HCN4: variants seen among roughly 807,000 people sequenced by gnomAD.
HCN4 encodes hyperpolarization activated cyclic nucleotide gated potassium channel 4.
In HCN4, 29 loss-of-function variants were observed where a neutral mutation model predicts 76.9. The observed-to-expected ratio is 0.38, with a 90% confidence interval of 0.28 to 0.51. The LOEUF (loss-of-function observed/expected upper bound fraction) is 0.51. Ranked by LOEUF, HCN4 falls within the 20% of genes least tolerant of loss-of-function variation. HCN4 has a pLI of 0.90. For missense variants in HCN4, 1,416 were observed against 1,715.2 expected, an observed-to-expected ratio of 0.83 and a Z score of 3.08; for synonymous variants, 772 against 762.5, an observed-to-expected ratio of 1.01 and a Z score of -0.21.
At chr15:73,350,391 A>G (rs1295150964) in intron 1 of HCN4, among the ~76,000 whole-genome samples, 1 of 152,138 alleles carries the variant, frequency 6.6e-6, no homozygotes, top group Non-Finnish European at 1.5e-5. Flanking sequence ...GTCCTACTAA[A>G]TATCCAAGTT....
chr15:73,325,683 TG>T lies in HCN4; in HGVS notation c.1591-240del, dbSNP rs2151215756. 6.6e-6 allele frequency among the ~76,000 whole-genome samples: 1 copy of T among 152,296 alleles called. No individual in the cohort carries two copies. Among genetic ancestry groups the T allele is most frequent in the African/African-American group, 2.4e-5 (1 of 41,558 alleles). Reference sequence around the variant, plus strand: ...GCCCCCACCAGCATCTGCTCCTCGCTGTGTTCAATACTAAGGAGGTGGGTGA... The same window carrying T: ...GCCCCCACCAGCATCTGCTCCTCGCTTGTTCAATACTAAGGAGGTGGGTGA... On this transcript the variant is annotated intron_variant, in intron 4 of 7. Coordinates refer to ENST00000261917, the MANE Select transcript of HCN4 (RefSeq NM_005477.3). This position sits in a 1 kb window ranked among gnomAD's most constrained non-coding sequence, Gnocchi z 7.4.
chr15:73,343,298 G>T lies in HCN4; in HGVS notation c.1209+87C>A. 3 of 1,327,576 alleles carry T rather than the reference G, an allele frequency of 2.3e-6. No individual in the cohort carries two copies. Among genetic ancestry groups the T allele is most frequent in the Non-Finnish European group, 2.1e-6 (2 of 937,546 alleles). 82.2% of individuals were successfully genotyped at this position (1,327,576 alleles called of 1,614,324 possible). A position where few individuals can be genotyped will look rare whatever the true frequency, so the allele number is the denominator to read the frequency against. ...TGCCTGCCACAATCTGACAGCCTAT[G>T]TTCAATTATCTGAGGTTCCCTGCCA... is the stretch of plus-strand genomic sequence containing the variant. On this transcript the variant is annotated intron_variant, in intron 2 of 7. Transcript: ENST00000261917. The surrounding 1 kb of genome is among the most constrained non-coding windows in gnomAD (Gnocchi z 5.7).
rs373411041 is a variant in HCN4 at position 73,323,354 on chromosome 15, C to T, written c.2739G>A (p.Ala913=). The T allele has an allele frequency of 6.1e-4, 955 of 1,573,200 alleles. No individual in the cohort carries two copies. Among genetic ancestry groups the T allele is most frequent in the Middle Eastern group, 8.5e-4 (5 of 5,906 alleles). ...TIAGFGHFHK[A]LGGSLSSSDS... ...CGGAGGAGGACAGGGAGCCACCCAG[C>T]GCCTTGTGGAAGTGGCCAAACCCGG... is the stretch of plus-strand genomic sequence containing the variant. Residue 913 remains alanine, a synonymous_variant, in exon 8 of 8, where the codon GCG becomes GCA. Coordinates refer to ENST00000261917, the MANE Select transcript of HCN4 (RefSeq NM_005477.3).
At chr15:73,341,450 C>T (rs927370491) in intron 2 of HCN4, among the ~76,000 whole-genome samples, 4 of 152,114 alleles carry the variant, frequency 2.6e-5, no homozygotes, top group Non-Finnish European at 4.4e-5. Context: ...CCAGGAGGGA[C>T]ACATATTAAA....
At position 73,367,855 on chromosome 15, in the gene HCN4, G is replaced by T; in HGVS notation, c.416C>A (p.Pro139His). The T allele has an allele frequency of 7.7e-7, 1 of 1,306,972 alleles. No homozygotes were observed. Among genetic ancestry groups the T allele is most frequent in the East Asian group, 3.3e-5 (1 of 30,756 alleles). 81.0% of individuals were successfully genotyped at this position (1,306,972 alleles called of 1,614,324 possible). A position where few individuals can be genotyped will look rare whatever the true frequency, so the allele number is the denominator to read the frequency against. ...GCCTGGGGGCGTCCTGTCCTCGCCG[G>T]GGGACGCGTCGCCCTCGGCGATGAG... ...RRLIAEGDASPGEDRTPPGLA... is the reference protein window; with the variant it reads ...RRLIAEGDASHGEDRTPPGLA... Residue 139 changes from proline (P) to histidine (H), a missense_variant, in exon 1 of 8, where the codon CCC (proline) becomes CAC (histidine). Pro to His is a moderately conservative substitution (Grantham distance 77). Around this residue, in one of 6 missense-constraint regions of HCN4, gnomAD observed 355 missense variants for 347.8 expected, o/e 1.02. Transcript: ENST00000261917. This position sits in a 1 kb window ranked among gnomAD's most constrained non-coding sequence, Gnocchi z 7.5.
At position 73,322,941 on chromosome 15, in the gene HCN4, G is replaced by T; in HGVS notation, c.3152C>A (p.Ser1051Tyr). ...APPRASGSHGSLLLPPASSPP... is the reference protein window; with the variant it reads ...APPRASGSHGYLLLPPASSPP... Reference sequence around the variant, plus strand: ...GCTGGATGCAGGTGGCAGGAGCAAGGATCCGTGGGAGCCAGAGGCCCGGGG... The same window carrying T: ...GCTGGATGCAGGTGGCAGGAGCAAGTATCCGTGGGAGCCAGAGGCCCGGGG... Residue 1051 changes from serine (S) to tyrosine (Y), a missense_variant, in exon 8 of 8, where the codon TCC becomes TAC. Ser to Tyr is a moderately radical substitution (Grantham distance 144). Transcript: ENST00000261917. The T allele has an allele frequency of 7.0e-7, 1 of 1,420,786 alleles. No homozygotes were observed. The highest frequency in any genetic ancestry group is 9.3e-7 in the Non-Finnish European group (1 of 1,079,146). 88.0% of individuals were successfully genotyped at this position (1,420,786 alleles called of 1,614,324 possible).
chr15:73,323,935 T>G lies in HCN4; in HGVS notation c.2158A>C (p.Ile720Leu). 6.2e-7 allele frequency: 1 copy of G among 1,604,878 alleles called. No homozygotes were observed. Among genetic ancestry groups the G allele is most frequent in the Non-Finnish European group, 8.5e-7 (1 of 1,179,938 alleles). The part of the protein sequence containing the change: ...RLDRIGKKNS[I>L]LLHKVQHDLN... The stretch of plus-strand genomic sequence containing the variant: ...TCGTGCTGGACTTTGTGGAGGAGGA[T>G]GGAGTTCTTCTTGCCTGGGCCACAG... The change falls in exon 8 of 8, where the codon ATC becomes CTC. Residue 720 changes from isoleucine to leucine, a missense_variant. Coordinates refer to ENST00000261917, the MANE Select transcript of HCN4 (RefSeq NM_005477.3).
At position 73,323,305 on chromosome 15, in the gene HCN4, G is replaced by A. The variant is rs2042875494; in HGVS notation, c.2788C>T (p.Gln930Ter). 2.6e-6 allele frequency: 4 copies of A among 1,547,730 alleles called. No homozygotes were observed. Among genetic ancestry groups the A allele is most frequent in the Non-Finnish European group, 3.5e-6 (4 of 1,144,482 alleles). ...GCCTGCGGGGAGCGGGCGCCTGGCT[G>A]CAGCGGGGTGAGCAGGGGAGAGTCG... ...SSDSPLLTPL[Q>*]PGARSPQAAQ... Residue 930 changes from glutamine (Q) to a stop codon, truncating the protein, a stop_gained, in exon 8 of 8, where the codon CAG becomes TAG. Coordinates refer to ENST00000261917, the MANE Select transcript of HCN4 (RefSeq NM_005477.3). LOFTEE classifies it high-confidence loss of function.
intron 4 of HCN4, among the ~76,000 whole-genome samples, chr15:73,329,174 A>C (rs1000356753): frequency 1.1e-4 from 16 of 152,102 alleles, no homozygotes; most frequent in African/African-American, 3.9e-4. Flanking sequence ...GAAGCCAGCA[A>C]ATGGGGGCAG....
Position 73,324,695 on chromosome 15 carries a change from A to T in HCN4, c.1978+260T>A, listed in dbSNP as rs140161480. ...CAGAAGAGGGCCCTCACCAGCCCCA[A>T]CCATGCTGGCCCCCTCAGCTCAGAT... On this transcript the variant is annotated intron_variant, in intron 6 of 7. Transcript: ENST00000261917. 0.011 allele frequency among the ~76,000 whole-genome samples: 1,696 copies of T among 152,224 alleles called. 22 individuals are homozygous for T. The highest frequency in any genetic ancestry group is 0.05 in the East Asian group (257 of 5,166).
rs554177392 is a variant in HCN4, at chr15:73,321,216, A to T, written c.*1265T>A. ...AAGAAGTGGCAGGGCTGGGATTCAA[A>T]CCCAGGCCTGACTGCTGCCAAAATC... On this transcript the variant is annotated 3_prime_UTR_variant, in exon 8 of 8. Transcript: ENST00000261917. 1 of 152,124 alleles carries T rather than the reference A, an allele frequency of 6.6e-6. No individual in the cohort carries two copies. Among genetic ancestry groups the T allele is most frequent in the Non-Finnish European group, 1.5e-5 (1 of 68,018 alleles). The allele number at this position is 152,124 out of a possible 1,614,324, so 9.4% of individuals were successfully genotyped here.
At chr15:73,332,019 C>A in intron 3 of HCN4, 112 bp downstream of exon 3, 1 of 1,032,256 alleles carries the variant, frequency 9.7e-7, no homozygotes, top group Non-Finnish European at 1.5e-6. Flanking sequence ...CCCCAGGCAG[C>A]ACTCAGGGTC....
At chr15:73,327,364 G>A (rs1200404437) in intron 4 of HCN4, among the ~76,000 whole-genome samples, 5 of 151,978 alleles carry the variant, frequency 3.3e-5, no homozygotes, top group Non-Finnish European at 5.9e-5. Context: ...GCCCGCCTTG[G>A]CCTCCCAAAG....
In HCN4 at chr15:73,368,819, G is replaced by C. The variant is rs1189303905; in HGVS notation, c.-549C>G. The stretch of plus-strand genomic sequence containing the variant: ...CCGTCCCGGGGCTCCCGCCGCAACC[G>C]AGCGGAGCCCAGCGACCCGCCGGGC... On this transcript the variant is annotated 5_prime_UTR_variant, in exon 1 of 8. Coordinates refer to ENST00000261917, the MANE Select transcript of HCN4 (RefSeq NM_005477.3). This position sits in a 1 kb window ranked among gnomAD's most constrained non-coding sequence, Gnocchi z 6.9. 1 of 152,098 alleles carries C rather than the reference G, an allele frequency of 6.6e-6. No homozygotes were observed. The highest frequency in any genetic ancestry group is 1.5e-5 in the Non-Finnish European group (1 of 68,008). The allele number at this position is 152,098 out of a possible 1,614,324, so 9.4% of individuals were successfully genotyped here.
Position 73,368,278 on chromosome 15 carries a change from G to A in HCN4, c.-8C>T. ...CGGCGGCAGCTTGTCCATGGCGCCA[G>A]GGGCCGGGGTCGGACCGGGCCGGGG... On this transcript the variant is annotated 5_prime_UTR_variant, in exon 1 of 8. Coordinates refer to ENST00000261917, the MANE Select transcript of HCN4 (RefSeq NM_005477.3). The surrounding 1 kb of genome is among the most constrained non-coding windows in gnomAD (Gnocchi z 6.9). 2.7e-6 allele frequency: 4 copies of A among 1,484,328 alleles called. No homozygotes were observed. Among genetic ancestry groups the A allele is most frequent in the Middle Eastern group, 2.2e-4 (1 of 4,520 alleles). 91.9% of individuals were successfully genotyped at this position (1,484,328 alleles called of 1,614,324 possible). A position where few individuals can be genotyped will look rare whatever the true frequency, so the allele number is the denominator to read the frequency against.
intron 2 of HCN4, among the ~76,000 whole-genome samples, chr15:73,338,143 C>T (rs2042977795): frequency 1.3e-5 from 2 of 152,212 alleles, no homozygotes; most frequent in African/African-American, 4.8e-5. Context: ...TTGCCGAGAA[C>T]AAGGCTGGAC....
At position 73,329,564 on chromosome 15, in the gene HCN4, TA is replaced by T; in HGVS notation, c.1590+8del. On this transcript the variant is annotated splice_region_variant and intron_variant, in intron 4 of 7. Coordinates refer to ENST00000261917, the MANE Select transcript of HCN4 (RefSeq NM_005477.3). The stretch of plus-strand genomic sequence containing the variant: ...GACCAATGTGCGGGTGCTCCCTGGG[TA>T]GACCTACCTTTTCCTGGTACTGGCG... 6.2e-7 allele frequency: 1 copy of T among 1,613,524 alleles called. No homozygotes were observed. The highest frequency in any genetic ancestry group is 8.5e-7 in the Non-Finnish European group (1 of 1,179,756).
At chr15:73,355,932 C>A (rs1486402601) in intron 1 of HCN4, among the ~76,000 whole-genome samples, 2 of 152,146 alleles carry the variant, frequency 1.3e-5, no homozygotes, top group African/African-American at 4.8e-5. Flanking sequence ...GTTGGAGAAC[C>A]TCTCAGTCAA....
rs1294780632 is a variant in HCN4, at chr15:73,367,865, C to T, written c.406G>A (p.Asp136Asn). Residue 136 changes from aspartate (D) to asparagine (N), a missense_variant, in exon 1 of 8, where the codon GAC (aspartate) becomes AAC (asparagine). Asp to Asn is a conservative substitution (Grantham distance 23, BLOSUM62 1). Around this residue, in one of 6 missense-constraint regions of HCN4, gnomAD observed 355 missense variants for 347.8 expected, o/e 1.02. Coordinates refer to ENST00000261917, the MANE Select transcript of HCN4 (RefSeq NM_005477.3). This position sits in a 1 kb window ranked among gnomAD's most constrained non-coding sequence, Gnocchi z 7.5. ...AEERRLIAEG[D>N]ASPGEDRTPP... The stretch of plus-strand genomic sequence containing the variant: ...GTCCTGTCCTCGCCGGGGGACGCGT[C>T]GCCCTCGGCGATGAGCCGCCGCTCC... 7.6e-7 allele frequency: 1 copy of T among 1,324,076 alleles called. No individual in the cohort carries two copies. The highest frequency in any genetic ancestry group is 2.1e-5 in the South Asian group (1 of 48,212). 82.0% of individuals were successfully genotyped at this position (1,324,076 alleles called of 1,614,324 possible).
Sources: gnomAD v4.1 joint callset for allele counts (sites outside exome capture counted in the v4.1 genomes callset) on GRCh38, gnomAD v4.1.1 for gene constraint, gnomAD v4.1.1 regional missense constraint, Gnocchi (gnomAD v3.1) non-coding constraint, MANE v1.5 for transcripts, NCBI Gene and HGNC (gene_info 2026-07-23, HGNC 2026-07-21) for gene names.